The following PTPRK variants were observed in gnomAD, a reference collection of about 807,000 sequenced individuals.
The protein encoded by PTPRK is receptor-type tyrosine-protein phosphatase kappa.
PTPRK carries 75 observed loss-of-function variants against 178.0 expected under a neutral mutation model. That is an observed-to-expected ratio of 0.42 (90% CI 0.35 to 0.51). PTPRK has a LOEUF of 0.51. Ranked by LOEUF, PTPRK falls within the 20% of genes least tolerant of loss-of-function variation. The pLI is 0.02. For synonymous variants in PTPRK, 637 were observed against 620.6 expected, an observed-to-expected ratio of 1.03 and a Z score of -0.39; for missense variants, 1,441 against 1,797.8, an observed-to-expected ratio of 0.80 and a Z score of 3.59.
At position 127,982,865 on chromosome 6, in the gene PTPRK, T is replaced by C. The variant is rs766465793; in HGVS notation, c.3503A>G (p.Gln1168Arg). 2 of 1,612,194 alleles carry C rather than the reference T, an allele frequency of 1.2e-6. No individual in the cohort carries two copies. Among genetic ancestry groups the C allele is most frequent in the East Asian group, 4.5e-5 (2 of 44,804 alleles). The change falls in exon 24 of 30, where the codon CAG becomes CGG. Residue 1168 changes from glutamine to arginine, a missense_variant. By Grantham distance (43) the Gln-to-Arg change is conservative. This residue lies in a region of PTPRK where 335 missense variants were observed against 512.4 expected (regional missense o/e 0.65). Coordinates refer to ENST00000368226, the MANE Select transcript of PTPRK (RefSeq NM_002844.4). ...ATCCTTGAGATGTGAAGAGTTAGTC[T>C]GGGAGTCTATTCTAATCATATCAAA... is the stretch of plus-strand genomic sequence containing the variant. Reference protein sequence around the residue: ...AYFDMIRIDSQTNSSHLKDEF... With the variant: ...AYFDMIRIDSRTNSSHLKDEF...
chr6:128,263,192 A>G (rs1385205776), intron 3 of PTPRK, among the ~76,000 whole-genome samples: 1 of 152,176 alleles, frequency 6.6e-6, no homozygotes, highest in African/African-American at 2.4e-5. Context: ...ACTTCTGGAT[A>G]AATGCTTCAT....
chr6:127,979,836 A>G (rs1775073149), intron 25 of PTPRK, among the ~76,000 whole-genome samples: 1 of 152,228 alleles, frequency 6.6e-6, no homozygotes, highest in Admixed American at 6.5e-5. Context: ...TGAAGGCAGT[A>G]AACTGTTTAA....
chr6:128,084,820 A>C (rs572802616), intron 8 of PTPRK: 3 of 152,306 alleles, frequency 2.0e-5, no homozygotes, highest in African/African-American at 7.2e-5. Context: ...TTGGCTAAAA[A>C]ATGTGTTTCT....
intron 7 of PTPRK, among the ~76,000 whole-genome samples, chr6:128,166,253 T>G (rs890156590): frequency 6.6e-6 from 1 of 151,688 alleles, no homozygotes; most frequent in Non-Finnish European, 1.5e-5. Flanking sequence ...AGAAAATTTT[T>G]TTTTCTTATC....
intron 2 of PTPRK, among the ~76,000 whole-genome samples, chr6:128,359,635 C>G (rs1233614647): frequency 5.9e-5 from 9 of 151,944 alleles, no homozygotes. Context: ...GCCTGTAATC[C>G]CAGCTACTTG....
chr6:128,442,655 A>T (rs965909149), intron 1 of PTPRK, among the ~76,000 whole-genome samples: 1 of 152,190 alleles, frequency 6.6e-6, no homozygotes, highest in African/African-American at 2.4e-5. Flanking sequence ...CCAAAGAATA[A>T]AAGTGCATCT....
intron 7 of PTPRK, among the ~76,000 whole-genome samples, chr6:128,108,069 AACACACACACACACACACAC>A (rs67513455): frequency 9.0e-5 from 12 of 133,808 alleles, no homozygotes; most frequent in Non-Finnish European, 1.7e-4. Flanking sequence ...TAAATAGCAA[AACACACACACACACACACAC>A]ACACACACAC....
chr6:127,977,494 T>C (rs566263045), intron 25 of PTPRK, among the ~76,000 whole-genome samples: 1 of 152,188 alleles, frequency 6.6e-6, no homozygotes, highest in Non-Finnish European at 1.5e-5. Context: ...TCTGGGTATG[T>C]GTATAGTGTG....
At chr6:128,300,232 G>C (rs148706238) in intron 3 of PTPRK, among the ~76,000 whole-genome samples, 14 of 152,214 alleles carry the variant, frequency 9.2e-5, no homozygotes, top group Middle Eastern at 3.4e-3. Flanking sequence ...ACAGGTGCTG[G>C]AGAGGATATG....
intron 2 of PTPRK, among the ~76,000 whole-genome samples, chr6:128,323,328 A>G (rs1390683469): frequency 1.3e-5 from 2 of 152,152 alleles, no homozygotes; most frequent in Non-Finnish European, 2.9e-5. Context: ...GACACATATC[A>G]CAAAAATGCA....
intron 7 of PTPRK, among the ~76,000 whole-genome samples, chr6:128,120,940 C>CT (rs1170476598): frequency 6.6e-6 from 1 of 151,686 alleles, no homozygotes; most frequent in Non-Finnish European, 1.5e-5. Context: ...TGTATATTAC[C>CT]TTTTTTTCCT....
At chr6:128,415,880 C>T (rs1044941593) in intron 1 of PTPRK, among the ~76,000 whole-genome samples, 8 of 151,906 alleles carry the variant, frequency 5.3e-5, no homozygotes, top group African/African-American at 7.3e-5. Context: ...CCTATATATA[C>T]GATAAAAATG....
chr6:128,395,684 C>A (rs996724099), intron 2 of PTPRK, among the ~76,000 whole-genome samples: 1 of 151,758 alleles, frequency 6.6e-6, no homozygotes, highest in Non-Finnish European at 1.5e-5. Flanking sequence ...AGGTTACATA[C>A]CTTTGAAAGA....
chr6:128,088,103 C>T lies in PTPRK; in HGVS notation c.1465+1587G>A, dbSNP rs148782966. 4.4e-4 allele frequency among the ~76,000 whole-genome samples: 67 copies of T among 152,212 alleles called. 1 individual carries two copies. The highest frequency in any genetic ancestry group is 1.6e-3 in the African/African-American group (65 of 41,542). On this transcript the variant is annotated intron_variant, in intron 8 of 29. Coordinates refer to ENST00000368226, the MANE Select transcript of PTPRK (RefSeq NM_002844.4). ...CAAATAAAAATGTAGCCCCGCTGGG[C>T]ACAGTGGCTCACGCCTGTAACCCTA...
chr6:128,085,667 G>C (rs1314916408), intron 8 of PTPRK, among the ~76,000 whole-genome samples: 1 of 152,166 alleles, frequency 6.6e-6, no homozygotes, highest in Non-Finnish European at 1.5e-5. Flanking sequence ...CATTGAAAAA[G>C]GAGTAGAATT....
chr6:128,129,092 T>C (rs1793820920), intron 7 of PTPRK, among the ~76,000 whole-genome samples: 1 of 152,344 alleles, frequency 6.6e-6, no homozygotes, highest in African/African-American at 2.4e-5. Flanking sequence ...TCTTGATGTA[T>C]TCTAGGTCTT....
chr6:128,480,547 G>C (rs1851949565), intron 1 of PTPRK, among the ~76,000 whole-genome samples: 1 of 152,044 alleles, frequency 6.6e-6, no homozygotes. Context: ...CCTCACATAT[G>C]AATTAGTTAG....
At chr6:128,259,673 T>C (rs6905735) in intron 3 of PTPRK, among the ~76,000 whole-genome samples, 2,802 of 152,296 alleles carry the variant, frequency 0.018, 73 homozygotes, top group East Asian at 0.038. Context: ...AAATTTCAAG[T>C]ATGTTTTAGA....
At chr6:127,970,309 G>C in intron 29 of PTPRK, 29 bp from the exon 30 acceptor site, 1 of 1,575,766 alleles carries the variant, frequency 6.3e-7, no homozygotes, top group Non-Finnish European at 8.7e-7. Context: ...CAAAGAGTGA[G>C]AAAACTTAAG....
Sources: allele counts gnomAD v4.1 joint callset (sites outside exome capture counted in the v4.1 genomes callset), GRCh38; gene constraint gnomAD v4.1.1; regional missense constraint gnomAD v4.1.1; transcripts MANE v1.5; gene names NCBI Gene and HGNC (gene_info 2026-07-23, HGNC 2026-07-21).